ARHGAP15: variants seen among roughly 807,000 people sequenced by gnomAD.
ARHGAP15 encodes the protein rho GTPase-activating protein 15.
In ARHGAP15, 51 loss-of-function variants were observed where a neutral mutation model predicts 63.7. That is an observed-to-expected ratio of 0.80 (90% CI 0.64 to 1.01). ARHGAP15 has a LOEUF of 1.01. Among genes scored for constraint, ARHGAP15 ranks in the 50% least tolerant of loss-of-function variants. The pLI, the probability that ARHGAP15 is intolerant of heterozygous loss-of-function variation, is 0.00. For missense variants in ARHGAP15, 560 were observed against 564.6 expected (o/e 0.99, Z 0.08); for synonymous variants, 191 against 193.8 (o/e 0.99, Z 0.12).
At chr2:143,462,106 G>A (rs1690971447) in intron 8 of ARHGAP15, among the ~76,000 whole-genome samples, 1 of 152,118 alleles carries the variant, frequency 6.6e-6, no homozygotes, top group Non-Finnish European at 1.5e-5. Context: ...GTTACAGTGA[G>A]TCAAGGTCAT....
intron 13 of ARHGAP15, among the ~76,000 whole-genome samples, chr2:143,734,895 G>A (rs935851038): frequency 3.3e-5 from 5 of 152,138 alleles, no homozygotes; most frequent in African/African-American, 9.7e-5. Flanking sequence ...ATGGTGGGGG[G>A]TATTCCTCCT....
intron 10 of ARHGAP15, among the ~76,000 whole-genome samples, chr2:143,529,151 A>G (rs1276547178): frequency 6.6e-6 from 1 of 152,080 alleles, no homozygotes; most frequent in Admixed American, 6.6e-5. Flanking sequence ...CACTTTTCCC[A>G]ACAAAGATGT....
At chr2:143,729,819 A>C (rs527836377) in intron 13 of ARHGAP15, among the ~76,000 whole-genome samples, 4 of 152,230 alleles carry the variant, frequency 2.6e-5, no homozygotes, top group African/African-American at 9.6e-5. Flanking sequence ...GACTAAATGC[A>C]TTTTTAGAAA....
intron 11 of ARHGAP15, among the ~76,000 whole-genome samples, chr2:143,616,245 GAC>G (rs555507254): frequency 7.4e-4 from 112 of 152,286 alleles, no homozygotes; most frequent in Middle Eastern, 3.4e-3. Context: ...ACAAAGCAAT[GAC>G]ACATGTGTTA....
At chr2:143,168,862 T>C (rs887840639) in intron 2 of ARHGAP15, among the ~76,000 whole-genome samples, 4 of 152,056 alleles carry the variant, frequency 2.6e-5, no homozygotes, top group Non-Finnish European at 5.9e-5. Context: ...CCTTTTCCAT[T>C]GACATGTAAC....
At chr2:143,694,600 T>G (rs1683762463) in intron 12 of ARHGAP15, among the ~76,000 whole-genome samples, 1 of 152,242 alleles carries the variant, frequency 6.6e-6, no homozygotes, top group African/African-American at 2.4e-5. Context: ...AGTTGCCACA[T>G]GTTGCCTGTT....
At chr2:143,143,435 C>T (rs1470175160) in intron 1 of ARHGAP15, among the ~76,000 whole-genome samples, 1 of 151,870 alleles carries the variant, frequency 6.6e-6, no homozygotes, top group Non-Finnish European at 1.5e-5. Flanking sequence ...GTAATGTGAA[C>T]TGGCAAATAT....
intron 1 of ARHGAP15, among the ~76,000 whole-genome samples, chr2:143,147,706 A>G (rs143111453): frequency 1.3e-5 from 2 of 151,974 alleles, no homozygotes; most frequent in African/African-American, 4.8e-5. Context: ...TTAAGTCTTT[A>G]CCTTTCTTTT....
chr2:143,361,573 C>G (rs1686055396), intron 6 of ARHGAP15, among the ~76,000 whole-genome samples: 1 of 152,044 alleles, frequency 6.6e-6, no homozygotes, highest in South Asian at 2.1e-4. Context: ...GACCAAATTC[C>G]AAATTAAGGA....
At chr2:143,587,745 G>T (rs1697165081) in intron 11 of ARHGAP15, 1 of 470,388 alleles carries the variant, frequency 2.1e-6, no homozygotes, top group Non-Finnish European at 4.4e-6. Flanking sequence ...GACACCCCTA[G>T]TAAGCTGCAG....
At chr2:143,474,135 G>A (rs1691705562) in intron 8 of ARHGAP15, among the ~76,000 whole-genome samples, 1 of 152,066 alleles carries the variant, frequency 6.6e-6, no homozygotes, top group Admixed American at 6.6e-5. Flanking sequence ...GCATCTGTAG[G>A]GGTGTCCTGG....
chr2:143,164,457 AT>A (rs1284122895), intron 2 of ARHGAP15, among the ~76,000 whole-genome samples: 17 of 152,040 alleles, frequency 1.1e-4, no homozygotes, highest in African/African-American at 3.6e-4. Context: ...GAGGTGATGG[AT>A]TTTTATGATT....
chr2:143,385,324 C>T (rs1020302170), intron 6 of ARHGAP15, among the ~76,000 whole-genome samples: 9 of 152,070 alleles, frequency 5.9e-5, no homozygotes, highest in African/African-American at 2.2e-4. Flanking sequence ...AAAGGTCAAC[C>T]GAAGTGTTTT....
intron 9 of ARHGAP15, among the ~76,000 whole-genome samples, chr2:143,513,986 G>C (rs908269319): frequency 6.6e-5 from 10 of 152,162 alleles, no homozygotes; most frequent in Admixed American, 2.0e-4. Flanking sequence ...CACGCTCAAA[G>C]GATTGCAGGT....
At chr2:143,582,490 C>A (rs1273685925) in intron 11 of ARHGAP15, among the ~76,000 whole-genome samples, 1 of 152,104 alleles carries the variant, frequency 6.6e-6, no homozygotes, top group East Asian at 1.9e-4. Flanking sequence ...AAATCCTACC[C>A]CAACTGATAC....
chr2:143,534,606 A>G (rs974508917), intron 10 of ARHGAP15, among the ~76,000 whole-genome samples: 1 of 152,076 alleles, frequency 6.6e-6, no homozygotes, highest in Non-Finnish European at 1.5e-5. Flanking sequence ...GGGCCAGGAA[A>G]AGTGGCTCAT....
In ARHGAP15 at chr2:143,732,273, T is replaced by C. The variant is rs549635143; in HGVS notation, c.1244+28749T>C. Among the ~76,000 whole-genome samples, 12 of 152,314 alleles carry C rather than the reference T, an allele frequency of 7.9e-5. No individual in the cohort carries two copies. In the South Asian group the frequency reaches 2.5e-3, roughly 32 times the overall value. On this transcript the variant is annotated intron_variant, in intron 13 of 13. Coordinates refer to ENST00000295095, the MANE Select transcript of ARHGAP15 (RefSeq NM_018460.4). ...TGACTCACAGGGAATGAAGCAAGCC[T>C]GGAATAAAATTTGGCCCAAATCCAA...
chr2:143,465,247 G>A (rs925848536), intron 8 of ARHGAP15, among the ~76,000 whole-genome samples: 1 of 152,130 alleles, frequency 6.6e-6, no homozygotes, highest in Non-Finnish European at 1.5e-5. Flanking sequence ...ATCAAGAGAG[G>A]GAGGACAAGA....
At chr2:143,386,540 A>C (rs1389196398) in intron 6 of ARHGAP15, among the ~76,000 whole-genome samples, 1 of 152,178 alleles carries the variant, frequency 6.6e-6, no homozygotes, top group Non-Finnish European at 1.5e-5. Context: ...GCAAAATTCA[A>C]AAATATTAGT....
Sources: allele counts gnomAD v4.1 joint callset (sites outside exome capture counted in the v4.1 genomes callset), GRCh38; gene constraint gnomAD v4.1.1; transcripts MANE v1.5; gene names NCBI Gene and HGNC (gene_info 2026-07-23, HGNC 2026-07-21).